Variants in HID1 observed in about 807,000 individuals in gnomAD.
The protein encoded by HID1 is protein HID1.
HID1 carries 42 observed loss-of-function variants against 89.7 expected under a neutral mutation model. The observed-to-expected ratio is 0.47, with a 90% CI of 0.37 to 0.61. HID1 has a LOEUF of 0.61. HID1 is among the 20% of genes least tolerant of loss of function. HID1 has a pLI of 0.00. For missense variants in HID1, 854 were observed against 1,039.3 expected, an observed-to-expected ratio of 0.82 and a Z score of 2.45; for synonymous variants, 442 against 433.8, an observed-to-expected ratio of 1.02 and a Z score of -0.24.
chr17:74,972,421 T>C lies in HID1; in HGVS notation c.66+170A>G, dbSNP rs1292801582. ...AGGGTGGGGGACTAGGGCCAGGGGATGGAGCTTCCAGGTACAGGCCGCGGG... is the reference window on the plus strand; with the variant it reads ...AGGGTGGGGGACTAGGGCCAGGGGACGGAGCTTCCAGGTACAGGCCGCGGG... On this transcript the variant is annotated intron_variant, in intron 1 of 18. Transcript: ENST00000425042. The surrounding 1 kb of genome is among the most constrained non-coding windows in gnomAD (Gnocchi z 6.4). 6.6e-6 allele frequency among the ~76,000 whole-genome samples: 1 copy of C among 152,078 alleles called. No homozygotes were observed. The highest frequency in any genetic ancestry group is 2.4e-5 in the African/African-American group (1 of 41,410).
In HID1 at chr17:74,962,933, C is replaced by T. The variant is rs954511582; in HGVS notation, c.504+32G>A. ...CCCAACCCAGGACCAGAGCCTACTC[C>T]GCCTGGGGGTGGGGGGCTGGGGGAC... On this transcript the variant is annotated intron_variant, in intron 4 of 18. Coordinates refer to ENST00000425042, the MANE Select transcript of HID1 (RefSeq NM_030630.3). The surrounding 1 kb of genome is among the most constrained non-coding windows in gnomAD (Gnocchi z 4.3). 3.4e-5 allele frequency: 51 copies of T among 1,514,264 alleles called. No homozygotes were observed. The highest frequency in any genetic ancestry group is 3.7e-5 in the Non-Finnish European group (40 of 1,095,686). The allele number at this position is 1,514,264 out of a possible 1,614,324, so 93.8% of individuals were successfully genotyped here.
Position 74,962,120 on chromosome 17 carries a change from C to T in HID1, c.611+114G>A, listed in dbSNP as rs560624025. 456 of 1,132,710 alleles carry T rather than the reference C, an allele frequency of 4.0e-4. 1 individual carries two copies. The highest frequency in any genetic ancestry group is 5.2e-4 in the Admixed American group (22 of 42,058). The allele number at this position is 1,132,710 out of a possible 1,614,324, so 70.2% of individuals were successfully genotyped here. ...CCGTTGACCCCTGTAAGGTCAAGGT[C>T]GGGTCATAGGTGAGGACGGTCTTCT... On this transcript the variant is annotated intron_variant, in intron 5 of 18. Coordinates refer to ENST00000425042, the MANE Select transcript of HID1 (RefSeq NM_030630.3). The surrounding 1 kb of genome is among the most constrained non-coding windows in gnomAD (Gnocchi z 4.3).
intron 18 of HID1, 64 bp downstream of exon 18, chr17:74,951,841 G>A: frequency 1.4e-6 from 2 of 1,456,564 alleles, no homozygotes; most frequent in Non-Finnish European, 1.8e-6. Flanking sequence ...CCAGAGCTGA[G>A]GTCCCTGTTG....
At position 74,962,660 on chromosome 17, in the gene HID1, G is replaced by T. The variant is rs1290611863; in HGVS notation, c.504+305C>A. Among the ~76,000 whole-genome samples, 2 of 152,130 alleles carry T rather than the reference G, an allele frequency of 1.3e-5. No homozygotes were observed. The highest frequency in any genetic ancestry group is 1.3e-4 in the Admixed American group (2 of 15,274). On this transcript the variant is annotated intron_variant, in intron 4 of 18. Transcript: ENST00000425042. The surrounding 1 kb of genome is among the most constrained non-coding windows in gnomAD (Gnocchi z 4.3). ...GGGGTGGGCAGAGAAGACTCAAGGT[G>T]AAGTCCATGCCACCACAGGAAGCAA...
chr17:74,962,439 G>A lies in HID1; in HGVS notation c.505-99C>T, dbSNP rs563083668. ...CCTCGAGCCTCACACAGTCCCAGGGGCAGAGACCGCCAGTTCTCCTAAAGA... is the reference window on the plus strand; with the variant it reads ...CCTCGAGCCTCACACAGTCCCAGGGACAGAGACCGCCAGTTCTCCTAAAGA... On this transcript the variant is annotated intron_variant, in intron 4 of 18. Transcript: ENST00000425042. The surrounding 1 kb of genome is among the most constrained non-coding windows in gnomAD (Gnocchi z 4.3). 1.2e-5 allele frequency: 8 copies of A among 689,164 alleles called. No individual in the cohort carries two copies. The highest frequency in any genetic ancestry group is 5.5e-5 in the Admixed American group (2 of 36,092). The allele number at this position is 689,164 out of a possible 1,614,324, so 42.7% of individuals were successfully genotyped here.
intron 12 of HID1, 51 bp from the exon 13 acceptor site, chr17:74,956,007 T>C: frequency 1.9e-6 from 3 of 1,568,722 alleles, no homozygotes; most frequent in East Asian, 4.5e-5. Flanking sequence ...AAGCCATCCC[T>C]GCACATCCTG....
In HID1 at chr17:74,960,237, G is replaced by A. The variant is rs919317873; in HGVS notation, c.740C>T (p.Pro247Leu). ...GGTGTTGAGGAGGGAGGTGAAGAGG[G>A]GCAGGGCATGTCTGCAGCAGGAGAG... is the stretch of plus-strand genomic sequence containing the variant. ...FCSTENRHALPLFTSLLNTVC... is the reference protein window; with the variant it reads ...FCSTENRHALLLFTSLLNTVC... Residue 247 changes from proline (P) to leucine (L), a missense_variant, in exon 7 of 19, where the codon CCC becomes CTC. Coordinates refer to ENST00000425042, the MANE Select transcript of HID1 (RefSeq NM_030630.3). 5.6e-6 allele frequency: 9 copies of A among 1,609,690 alleles called. No individual in the cohort carries two copies. In the African/African-American group the frequency reaches 1.2e-4, roughly 21 times the overall value.
intron 13 of HID1, 200 bp from the exon 14 acceptor site, chr17:74,954,565 A>T: frequency 1.1e-6 from 1 of 913,148 alleles, no homozygotes; most frequent in Non-Finnish European, 1.6e-6. Context: ...GCTATCCCAG[A>T]ATGTCAGGCC....
chr17:74,958,827 C>T lies in HID1; in HGVS notation c.1150-64G>A, dbSNP rs561680403. On this transcript the variant is annotated intron_variant, in intron 9 of 18. Coordinates refer to ENST00000425042, the MANE Select transcript of HID1 (RefSeq NM_030630.3). The surrounding 1 kb of genome is among the most constrained non-coding windows in gnomAD (Gnocchi z 5.2). ...GGGAGGGGCAGCTCTGCCCCACCCC[C>T]CTCAGTCTGACACTGTCCCTGCCCC... is the stretch of plus-strand genomic sequence containing the variant. The T allele has an allele frequency of 1.3e-6, 2 of 1,594,038 alleles. No homozygotes were observed. The highest frequency in any genetic ancestry group is 4.5e-5 in the East Asian group (2 of 44,594).
chr17:74,967,719 G>A (rs2039584277), intron 1 of HID1: 2 of 151,994 alleles, frequency 1.3e-5, no homozygotes, highest in African/African-American at 4.8e-5. Context: ...TGGGCATGGT[G>A]GCACACACCT....
intron 6 of HID1, chr17:74,961,662 G>A (rs2039481414): frequency 5.8e-6 from 2 of 346,326 alleles, no homozygotes. Context: ...AGGACCCAGG[G>A]ACGGATTACT....
At chr17:74,955,311 G>A (rs772346242) in intron 13 of HID1, among the ~76,000 whole-genome samples, 5 of 152,182 alleles carry the variant, frequency 3.3e-5, no homozygotes, top group African/African-American at 9.7e-5. Flanking sequence ...TTGGGAGGCC[G>A]AGGCAGGCAG....
chr17:74,969,471 C>T (rs2039612815), intron 1 of HID1, among the ~76,000 whole-genome samples: 2 of 152,162 alleles, frequency 1.3e-5, no homozygotes, highest in Admixed American at 1.3e-4. Flanking sequence ...CAGGCATGAG[C>T]CACCGCACCT....
chr17:74,964,324 C>G, intron 2 of HID1, 159 bp downstream of exon 2: 1 of 813,466 alleles, frequency 1.2e-6, no homozygotes, highest in Non-Finnish European at 1.9e-6. Flanking sequence ...CTGCCGTGGT[C>G]CCAACGCCCA....
In HID1 at chr17:74,954,209, G is replaced by A. The variant is rs7503661; in HGVS notation, c.1793C>T (p.Ser598Phe). Residue 598 changes from serine to phenylalanine, a missense_variant, in exon 14 of 19, where the codon TCC (serine) becomes TTC (phenylalanine). By Grantham distance (155) the Ser-to-Phe change is radical. Coordinates refer to ENST00000425042, the MANE Select transcript of HID1 (RefSeq NM_030630.3). ...GGCAGCGGGGCGGGAGCCCTCCATG[G>A]AGGTGCCCTCCTGGGAGCCGGTGCG... is the stretch of plus-strand genomic sequence containing the variant. ...LSRTGSQEGTSMEGSRPAAPA... is the reference protein window; with the variant it reads ...LSRTGSQEGTFMEGSRPAAPA... 2.5e-6 allele frequency: 4 copies of A among 1,600,616 alleles called. No homozygotes were observed. The highest frequency in any genetic ancestry group is 3.4e-6 in the Non-Finnish European group (4 of 1,175,000).
chr17:74,962,592 G>A lies in HID1; in HGVS notation c.505-252C>T, dbSNP rs1038582491. ...CTTGCTCAGTCCAGTTTGGGACAGG[G>A]AGAAAGGGAGGGAGGGGCAGGGGAT... On this transcript the variant is annotated intron_variant, in intron 4 of 18. Coordinates refer to ENST00000425042, the MANE Select transcript of HID1 (RefSeq NM_030630.3). This position sits in a 1 kb window ranked among gnomAD's most constrained non-coding sequence, Gnocchi z 4.3. Among the ~76,000 whole-genome samples, 6 of 152,138 alleles carry A rather than the reference G, an allele frequency of 3.9e-5. No individual in the cohort carries two copies. Among genetic ancestry groups the A allele is most frequent in the Non-Finnish European group, 5.9e-5 (4 of 68,002 alleles).
In HID1 at chr17:74,955,968, G is replaced by A. The variant is rs747575620; in HGVS notation, c.1472-12C>T. The A allele has an allele frequency of 4.3e-6, 7 of 1,612,300 alleles. No individual in the cohort carries two copies. Among genetic ancestry groups the A allele is most frequent in the Middle Eastern group, 3.6e-4 (2 of 5,498 alleles). On this transcript the variant is annotated splice_polypyrimidine_tract_variant and intron_variant, in intron 12 of 18. Transcript: ENST00000425042. ...GAGGTAGGGGGACACTGTAAGGGAG[G>A]GGTCAGCTCACTCCTGGGCCCCTCA...
Position 74,954,383 on chromosome 17 carries a change from G to A in HID1, c.1637-18C>T. 6.4e-7 allele frequency: 1 copy of A among 1,553,646 alleles called. No homozygotes were observed. The highest frequency in any genetic ancestry group is 8.7e-7 in the Non-Finnish European group (1 of 1,148,862). On this transcript the variant is annotated intron_variant, in intron 13 of 18. Coordinates refer to ENST00000425042, the MANE Select transcript of HID1 (RefSeq NM_030630.3). ...GGAGTTGCCTGTGGGCAGGGAGCAT[G>A]CCTCGCCTCAGGGAGGCCCCCTCCA...
At position 74,966,057 on chromosome 17, in the gene HID1, C is replaced by T. The variant is rs562348559; in HGVS notation, c.67-1425G>A. Among the ~76,000 whole-genome samples, 3 of 150,134 alleles carry T rather than the reference C, an allele frequency of 2.0e-5. No homozygotes were observed. The South Asian group carries it at 6.3e-4, about 32-fold the overall frequency. ...ATCCCAACACTTTGGGAGACTGAGG[C>T]GGGTGGATCACAAGGTCAGGAGTTC... On this transcript the variant is annotated intron_variant, in intron 1 of 18. Coordinates refer to ENST00000425042, the MANE Select transcript of HID1 (RefSeq NM_030630.3).
Sources: gnomAD v4.1 joint callset for allele counts (sites outside exome capture counted in the v4.1 genomes callset) on GRCh38, gnomAD v4.1.1 for gene constraint, Gnocchi (gnomAD v3.1) non-coding constraint, MANE v1.5 for transcripts, NCBI Gene and HGNC (gene_info 2026-07-23, HGNC 2026-07-21) for gene names.